The following HID1 variants were observed in gnomAD, a reference collection of about 807,000 sequenced individuals.
HID1 encodes the protein HID1 domain containing, also known as protein HID1.
A neutral mutation model predicts 89.7 loss-of-function variants in HID1; 42 were observed. That is an observed-to-expected ratio of 0.47 (90% CI 0.37 to 0.61). The LOEUF is 0.61. Ranked by LOEUF, HID1 falls within the 20% of genes least tolerant of loss-of-function variation. The pLI is 0.00. For synonymous variants in HID1, 442 were observed against 433.8 expected (o/e 1.02, Z -0.24); for missense variants, 854 against 1,039.3 (o/e 0.82, Z 2.45).
At chr17:74,953,492 G>T in intron 15 of HID1, 53 bp downstream of exon 15, 1 of 1,468,868 alleles carries the variant, frequency 6.8e-7, no homozygotes, top group Non-Finnish European at 9.5e-7. Flanking sequence ...GCAGAGACCA[G>T]GGAGGAAGGG....
In HID1 at chr17:74,959,874, G is replaced by C. The variant is rs141088667; in HGVS notation, c.1008+7C>G. The C allele has an allele frequency of 6.2e-7, 1 of 1,613,636 alleles. No individual in the cohort carries two copies. Among genetic ancestry groups the C allele is most frequent in the East Asian group, 2.2e-5 (1 of 44,884 alleles). ...CCCTGCAAAGCCACTGTGGGGACTG[G>C]ACTTGCCTCCTCACGATGGATGCGG... On this transcript the variant is annotated splice_region_variant and intron_variant, in intron 8 of 18. Coordinates refer to ENST00000425042, the MANE Select transcript of HID1 (RefSeq NM_030630.3). The surrounding 1 kb of genome is among the most constrained non-coding windows in gnomAD (Gnocchi z 4.6).
At chr17:74,963,155 TGGA>T (rs2039510861) in intron 3 of HID1, 74 bp from the exon 4 acceptor site, 3 of 1,121,036 alleles carry the variant, frequency 2.7e-6, no homozygotes, top group Admixed American at 4.4e-5. Context: ...TTGGGGGTGG[TGGA>T]GGACAGGGGC....
In HID1 at chr17:74,953,569, C is replaced by A; in HGVS notation, c.1947G>T (p.Leu649Phe). 6.2e-7 allele frequency: 1 copy of A among 1,614,050 alleles called. No individual in the cohort carries two copies. The highest frequency in any genetic ancestry group is 8.5e-7 in the Non-Finnish European group (1 of 1,179,950). Reference sequence around the variant, plus strand: ...CCCCCTTAGCCGGGCTGCCATCCTCCAAGCTCTGCTGGGGCTCAGGTTCCA... The same window carrying A: ...CCCCCTTAGCCGGGCTGCCATCCTCAAAGCTCTGCTGGGGCTCAGGTTCCA... ...RSLEPEPQQSLEDGSPAKGEP... is the reference protein window; with the variant it reads ...RSLEPEPQQSFEDGSPAKGEP... Residue 649 changes from leucine (L) to phenylalanine (F), a missense_variant, in exon 15 of 19, where the codon TTG becomes TTT. Leu to Phe is a conservative substitution (Grantham distance 22). Coordinates refer to ENST00000425042, the MANE Select transcript of HID1 (RefSeq NM_030630.3).
chr17:74,972,677 C>T lies in HID1; in HGVS notation c.-21G>A, dbSNP rs770366839. 51 of 1,533,560 alleles carry T rather than the reference C, an allele frequency of 3.3e-5. No individual in the cohort carries two copies. The highest frequency in any genetic ancestry group is 4.0e-5 in the Non-Finnish European group (46 of 1,138,936). 95.0% of individuals were successfully genotyped at this position (1,533,560 alleles called of 1,614,324 possible). A position where few individuals can be genotyped will look rare whatever the true frequency, so the allele number is the denominator to read the frequency against. Reference sequence around the variant, plus strand: ...CCCATGTCTCTGGAGCCCGCTCCGGCCCGGCCCCCGCCCAGACTCCAACCC... The same window carrying T: ...CCCATGTCTCTGGAGCCCGCTCCGGTCCGGCCCCCGCCCAGACTCCAACCC... On this transcript the variant is annotated 5_prime_UTR_variant, in exon 1 of 19. Coordinates refer to ENST00000425042, the MANE Select transcript of HID1 (RefSeq NM_030630.3). The surrounding 1 kb of genome is among the most constrained non-coding windows in gnomAD (Gnocchi z 6.4).
rs539475594 is a variant in HID1 at position 74,971,227 on chromosome 17, G to T, written c.66+1364C>A. Among the ~76,000 whole-genome samples the T allele has an allele frequency of 3.3e-5, 5 of 152,284 alleles. No homozygotes were observed. The South Asian group carries it at 8.3e-4, about 25-fold the overall frequency. On this transcript the variant is annotated intron_variant, in intron 1 of 18. Coordinates refer to ENST00000425042, the MANE Select transcript of HID1 (RefSeq NM_030630.3). ...CTTCCCCAGGCAGGTAAACATGGGA[G>T]CCTCCCTTCCTCCCTGCCTCCCCAC...
Position 74,954,324 on chromosome 17 carries a change from T to C in HID1, c.1678A>G (p.Ile560Val). The change falls in exon 14 of 19, where the codon ATC (isoleucine) becomes GTC (valine). Residue 560 changes from isoleucine (I) to valine (V), a missense_variant. Ile to Val is a conservative substitution (Grantham distance 29). Transcript: ENST00000425042. ...GGCAGGTTGGCCAGCTGGTGGAAGA[T>C]GCTGCGCTTGCGGATGATGGCGTAG... Reference protein sequence around the residue: ...LVYAIIRKRSIFHQLANLPTD... With the variant: ...LVYAIIRKRSVFHQLANLPTD... The C allele has an allele frequency of 6.3e-7, 1 of 1,584,084 alleles. No individual in the cohort carries two copies.
At chr17:74,954,432 G>A in intron 13 of HID1, 67 bp from the exon 14 acceptor site, 3 of 1,544,758 alleles carry the variant, frequency 1.9e-6, no homozygotes, top group Non-Finnish European at 2.6e-6. Context: ...AATCTGGGTG[G>A]GCTTCCTGGA....
intron 1 of HID1, among the ~76,000 whole-genome samples, chr17:74,967,347 T>C (rs941607173): frequency 5.9e-5 from 9 of 151,572 alleles, no homozygotes; most frequent in Non-Finnish European, 1.0e-4. Context: ...GAGACCAGCC[T>C]GGCCAATATG....
chr17:74,958,417 GT>G lies in HID1; in HGVS notation c.1301del (p.Asn434ThrfsTer6). ...FILLLLSGER[N>X]FGVRLNKPYS... ...AGGGTTTGTTCAGCCGCACCCCGAAGTTCCGCTCCCCGCTCAGAAGCAGCAA... is the reference window on the plus strand; with the variant it reads ...AGGGTTTGTTCAGCCGCACCCCGAAGTCCGCTCCCCGCTCAGAAGCAGCAA... On this transcript the variant is annotated frameshift_variant, in exon 11 of 19. Coordinates refer to ENST00000425042, the MANE Select transcript of HID1 (RefSeq NM_030630.3). LOFTEE classifies it high-confidence loss of function. This position sits in a 1 kb window ranked among gnomAD's most constrained non-coding sequence, Gnocchi z 5.2. 1 of 1,607,196 alleles carries G rather than the reference GT, an allele frequency of 6.2e-7. No homozygotes were observed. The highest frequency in any genetic ancestry group is 8.5e-7 in the Non-Finnish European group (1 of 1,176,840).
At position 74,962,099 on chromosome 17, in the gene HID1, T is replaced by C. The variant is rs770551660; in HGVS notation, c.612-110A>G. The C allele has an allele frequency of 9.0e-5, 100 of 1,111,634 alleles. No individual in the cohort carries two copies. The highest frequency in any genetic ancestry group is 1.2e-4 in the Non-Finnish European group (95 of 782,982). The allele number at this position is 1,111,634 out of a possible 1,614,324, so 68.9% of individuals were successfully genotyped here. Reference sequence around the variant, plus strand: ...GTCCATGGAAGGAAGTTACTCCCGTTGACCCCTGTAAGGTCAAGGTCGGGT... The same window carrying C: ...GTCCATGGAAGGAAGTTACTCCCGTCGACCCCTGTAAGGTCAAGGTCGGGT... On this transcript the variant is annotated intron_variant, in intron 5 of 18. Coordinates refer to ENST00000425042, the MANE Select transcript of HID1 (RefSeq NM_030630.3). This position sits in a 1 kb window ranked among gnomAD's most constrained non-coding sequence, Gnocchi z 4.3.
Position 74,972,472 on chromosome 17 carries a change from G to T in HID1, c.66+119C>A. ...GTCCCGTTCCGGCGCTGGCCTTGGC[G>T]TTACGCTCGGGGCCCGCCCGTCCCC... On this transcript the variant is annotated intron_variant, in intron 1 of 18. Transcript: ENST00000425042. The surrounding 1 kb of genome is among the most constrained non-coding windows in gnomAD (Gnocchi z 6.4). 2.0e-6 allele frequency: 2 copies of T among 980,596 alleles called. No homozygotes were observed. Among genetic ancestry groups the T allele is most frequent in the Non-Finnish European group, 3.0e-6 (2 of 677,580 alleles). 60.7% of individuals were successfully genotyped at this position (980,596 alleles called of 1,614,324 possible).
chr17:74,964,246 C>T (rs2039528908), intron 2 of HID1: 3 of 599,970 alleles, frequency 5.0e-6, no homozygotes, highest in Non-Finnish European at 8.8e-6. Flanking sequence ...ACAGAGGGAG[C>T]TAAATGAACT....
rs1473237086 is a variant in HID1 at position 74,951,651 on chromosome 17, G to T, written c.2304-18C>A. The T allele has an allele frequency of 1.2e-6, 2 of 1,608,316 alleles. No individual in the cohort carries two copies. Among genetic ancestry groups the T allele is most frequent in the African/African-American group, 2.7e-5 (2 of 74,870 alleles). On this transcript the variant is annotated intron_variant, in intron 18 of 18. Transcript: ENST00000425042. ...CCACATTCCTGTGGAGGAAATGGGG[G>T]GTTACCCAGGTGCTGGGGCACCTTG...
intron 1 of HID1, chr17:74,967,683 C>A (rs1279165075): frequency 6.6e-6 from 1 of 151,342 alleles, no homozygotes; most frequent in East Asian, 1.9e-4. Context: ...AATACCATCT[C>A]TACAAAAAAA....
intron 16 of HID1, 115 bp from the exon 17 acceptor site, chr17:74,952,475 T>C: frequency 1.4e-6 from 1 of 701,460 alleles, no homozygotes; most frequent in South Asian, 1.6e-5. Context: ...CCCTGCTCCT[T>C]GCAGCATGAG....
chr17:74,961,103 G>A (rs1458088150), intron 6 of HID1, among the ~76,000 whole-genome samples: 1 of 152,182 alleles, frequency 6.6e-6, no homozygotes, highest in Non-Finnish European at 1.5e-5. Context: ...CGAGCCCTTG[G>A]AATGTGGCTG....
rs922085021 is a variant in HID1, at chr17:74,963,737, G to A, written c.387+3C>T. ...CCACCCAGCCCTGGCCAGGCCCACAGACCCCTCCTCGCCCTGCCCCGGGCA... is the reference window on the plus strand; with the variant it reads ...CCACCCAGCCCTGGCCAGGCCCACAAACCCCTCCTCGCCCTGCCCCGGGCA... On this transcript the variant is annotated splice_donor_region_variant and intron_variant, in intron 3 of 18. Transcript: ENST00000425042. The A allele has an allele frequency of 6.2e-7, 1 of 1,601,018 alleles. No homozygotes were observed. Among genetic ancestry groups the A allele is most frequent in the Non-Finnish European group, 8.5e-7 (1 of 1,173,852 alleles).
At chr17:74,954,711 A>G (rs565018210) in intron 13 of HID1, 2 of 330,512 alleles carry the variant, frequency 6.1e-6, no homozygotes, top group East Asian at 8.7e-5. Flanking sequence ...AAATATTCTG[A>G]CTCTCTTCCC....
intron 6 of HID1, 41 bp from the exon 7 acceptor site, chr17:74,960,289 G>A (rs1422195313): frequency 6.4e-7 from 1 of 1,554,374 alleles, no homozygotes. Context: ...GCTGCACTGG[G>A]GCCCAGCCCC....
Sources: allele counts gnomAD v4.1 joint callset (sites outside exome capture counted in the v4.1 genomes callset), GRCh38; gene constraint gnomAD v4.1.1; non-coding constraint Gnocchi (gnomAD v3.1); transcripts MANE v1.5; gene names NCBI Gene and HGNC (gene_info 2026-07-23, HGNC 2026-07-21).